ERC1: variants seen among roughly 807,000 people sequenced by gnomAD.
ERC1 encodes ELKS/RAB6-interacting/CAST family member 1.
Under a neutral mutation model 132.0 loss-of-function variants are expected in ERC1, and 56 were observed. The observed-to-expected ratio is 0.42, with a 90% CI of 0.34 to 0.53. ERC1 has a LOEUF of 0.53. ERC1 is among the 20% of genes least tolerant of loss of function. The pLI is 0.03. For synonymous variants in ERC1, 478 were observed against 476.1 expected, an observed-to-expected ratio of 1.00 and a Z score of -0.05; for missense variants, 1,202 against 1,349.9, an observed-to-expected ratio of 0.89 and a Z score of 1.72.
chr12:1,070,666 C>T (rs1940179428), intron 2 of ERC1, among the ~76,000 whole-genome samples: 1 of 152,038 alleles, frequency 6.6e-6, no homozygotes, highest in South Asian at 2.1e-4. Context: ...CCTTTTTAAA[C>T]CTTAGACCTT....
At chr12:1,042,010 A>G (rs527572395) in intron 2 of ERC1, among the ~76,000 whole-genome samples, 11 of 152,144 alleles carry the variant, frequency 7.2e-5, no homozygotes, top group African/African-American at 2.7e-4. Context: ...TGGCCTCCCA[A>G]AGTGCTGGCA....
chr12:1,375,833 G>A (rs1313677689), intron 16 of ERC1, among the ~76,000 whole-genome samples: 2 of 149,716 alleles, frequency 1.3e-5, no homozygotes, highest in African/African-American at 2.5e-5. Context: ...CACCTCCTAG[G>A]TTGAAGCAAT....
At chr12:1,019,494 G>T (rs920953402) in intron 1 of ERC1, among the ~76,000 whole-genome samples, 2 of 152,198 alleles carry the variant, frequency 1.3e-5, no homozygotes, top group African/African-American at 4.8e-5. Context: ...ATTATCACAT[G>T]TCATGTAGCT....
intron 8 of ERC1, among the ~76,000 whole-genome samples, chr12:1,154,032 C>G (rs1444730521): frequency 6.6e-6 from 1 of 152,080 alleles, no homozygotes; most frequent in Non-Finnish European, 1.5e-5. Flanking sequence ...TTATACCACT[C>G]TGTATGCCTT....
intron 12 of ERC1, among the ~76,000 whole-genome samples, chr12:1,216,622 T>TGGGGGGG (rs1382807077): frequency 3.7e-3 from 50 of 13,442 alleles, no homozygotes; most frequent in South Asian, 0.01. Context: ...GGATGGGGGG[T>TGGGGGGG]GGGGGGCGGG....
intron 6 of ERC1, among the ~76,000 whole-genome samples, chr12:1,114,649 T>TA (rs1346105869): frequency 2.6e-5 from 4 of 152,042 alleles, no homozygotes; most frequent in African/African-American, 9.7e-5. Flanking sequence ...TCCACGTTGT[T>TA]ACAGTGTGTG....
chr12:1,151,854 A>T (rs1223583951), intron 8 of ERC1: 2 of 152,262 alleles, frequency 1.3e-5, no homozygotes, highest in Non-Finnish European at 2.9e-5. Context: ...GCTTGGTGAA[A>T]CTGTTCATTA....
chr12:1,146,797 C>G (rs564542828), intron 8 of ERC1, among the ~76,000 whole-genome samples: 1 of 151,180 alleles, frequency 6.6e-6, no homozygotes, highest in Non-Finnish European at 1.5e-5. Flanking sequence ...CAACAGTCCC[C>G]GGAGTGTGAT....
chr12:1,220,811 C>T (rs995020355), intron 12 of ERC1, among the ~76,000 whole-genome samples: 6 of 152,222 alleles, frequency 3.9e-5, no homozygotes, highest in African/African-American at 1.4e-4. Context: ...TTGCTGGAGG[C>T]GGTGGCCCTC....
chr12:1,231,695 G>A (rs1355051154), intron 12 of ERC1, among the ~76,000 whole-genome samples: 2 of 151,042 alleles, frequency 1.3e-5, no homozygotes, highest in African/African-American at 4.9e-5. Context: ...CCCTCTGATG[G>A]CACCTCTGAC....
intron 2 of ERC1, among the ~76,000 whole-genome samples, chr12:1,046,848 C>T (rs968337881): frequency 1.3e-5 from 2 of 152,144 alleles, no homozygotes; most frequent in Admixed American, 6.5e-5. Flanking sequence ...TGCCACTCCA[C>T]GGTACATGCT....
At chr12:1,377,796 C>T (rs182778258) in intron 16 of ERC1, among the ~76,000 whole-genome samples, 16 of 152,262 alleles carry the variant, frequency 1.1e-4, no homozygotes, top group African/African-American at 3.9e-4. Context: ...ATCACTCTAG[C>T]CACTTGGAAC....
At chr12:1,051,056 T>C (rs1971865602) in intron 2 of ERC1, among the ~76,000 whole-genome samples, 1 of 152,198 alleles carries the variant, frequency 6.6e-6, no homozygotes, top group African/African-American at 2.4e-5. Flanking sequence ...AATATCATTT[T>C]GGGAACTACT....
At chr12:1,334,992 G>T (rs945386856) in intron 15 of ERC1, among the ~76,000 whole-genome samples, 5 of 152,054 alleles carry the variant, frequency 3.3e-5, no homozygotes, top group African/African-American at 1.2e-4. Flanking sequence ...TTTCAGGCAC[G>T]TGTAAATGGA....
chr12:996,249 CTTTT>C lies in ERC1; in HGVS notation c.-157+4950_-157+4953del, dbSNP rs35403554. 1.1e-4 allele frequency among the ~76,000 whole-genome samples: 5 copies of C among 43,768 alleles called. No individual in the cohort carries two copies. In the South Asian group the frequency reaches 3.5e-3, roughly 30 times the overall value. 28.7% of individuals were successfully genotyped at this position (43,768 alleles called of 152,430 possible). On this transcript the variant is annotated intron_variant, in intron 1 of 18. Coordinates refer to ENST00000360905, the MANE Select transcript of ERC1 (RefSeq NM_178040.4). ...TACAGGTGCCCGCCACCATGCCTGG[CTTTT>C]TTTTTTTTTTTTTTTTTTTTTTGTA...
chr12:1,148,921 A>G (rs980035724), intron 8 of ERC1, among the ~76,000 whole-genome samples: 16 of 152,124 alleles, frequency 1.1e-4, no homozygotes, highest in Admixed American at 2.0e-4. Flanking sequence ...TTTGTAGACA[A>G]TTACCTTTAT....
At chr12:1,417,651 C>T (rs560647307) in intron 17 of ERC1, among the ~76,000 whole-genome samples, 7 of 151,920 alleles carry the variant, frequency 4.6e-5, no homozygotes, top group South Asian at 2.1e-4. Flanking sequence ...TGTGGTGGCG[C>T]GTGCCTGTAA....
At chr12:1,059,894 A>G (rs925346097) in intron 2 of ERC1, among the ~76,000 whole-genome samples, 2 of 152,186 alleles carry the variant, frequency 1.3e-5, no homozygotes, top group African/African-American at 2.4e-5. Context: ...GCTTTTGGGA[A>G]TAGTTTGAGA....
intron 2 of ERC1, among the ~76,000 whole-genome samples, chr12:1,057,320 C>T (rs1389150370): frequency 2.6e-5 from 4 of 151,860 alleles, no homozygotes; most frequent in African/African-American, 4.8e-5. Flanking sequence ...GACTGGGTTT[C>T]GCCCTGTTGG....
Sources: allele counts gnomAD v4.1 joint callset (sites outside exome capture counted in the v4.1 genomes callset), GRCh38; gene constraint gnomAD v4.1.1; transcripts MANE v1.5; gene names NCBI Gene and HGNC (gene_info 2026-07-23, HGNC 2026-07-21).